Variants in JMJD1C observed in about 807,000 individuals in gnomAD.
The protein encoded by JMJD1C is jumonji domain containing 1C.
Under a neutral mutation model 245.3 loss-of-function variants are expected in JMJD1C, and 31 were observed. The observed-to-expected ratio is 0.13, with a 90% confidence interval of 0.09 to 0.17. The LOEUF (loss-of-function observed/expected upper bound fraction) is 0.17. Among genes scored for constraint, JMJD1C ranks in the 10% least tolerant of loss-of-function variants. The pLI is 1.00. For missense variants in JMJD1C, 2,691 were observed against 3,000.2 expected (o/e 0.90, Z 2.41); for synonymous variants, 1,057 against 1,017.4 (o/e 1.04, Z -0.74).
At chr10:63,175,982 C>A (rs1380709872) in intron 24 of JMJD1C, among the ~76,000 whole-genome samples, 1 of 151,202 alleles carries the variant, frequency 6.6e-6, no homozygotes, top group South Asian at 2.1e-4. Context: ...TATACTGTGT[C>A]CCCCCATGCT....
At chr10:63,415,124 G>A (rs181682544) in intron 1 of JMJD1C, among the ~76,000 whole-genome samples, 1 of 152,218 alleles carries the variant, frequency 6.6e-6, no homozygotes, top group East Asian at 1.9e-4. Flanking sequence ...GTATGACTTT[G>A]TGTAAACATA....
chr10:63,465,237 C>T, intron 1 of JMJD1C: 1 of 424,124 alleles, frequency 2.4e-6, no homozygotes, highest in Non-Finnish European at 4.2e-6. Flanking sequence ...GCGGTCGACC[C>T]CTCCGGGATG....
intron 2 of JMJD1C, among the ~76,000 whole-genome samples, chr10:63,327,793 C>T (rs1436068276): frequency 6.6e-6 from 1 of 152,004 alleles, no homozygotes; most frequent in East Asian, 2.0e-4. Context: ...CTCAGCCTCC[C>T]GAGTAGCTAG....
upstream of JMJD1C, among the ~76,000 whole-genome samples, chr10:63,469,223 C>T (rs1227052687): frequency 6.6e-6 from 1 of 152,164 alleles, no homozygotes; most frequent in African/African-American, 2.4e-5. Flanking sequence ...CTAACACAGA[C>T]AAAAAGTTTA....
At chr10:63,518,700 A>G (rs1297334042) in intron 1 of JMJD1C, among the ~76,000 whole-genome samples, 1 of 152,240 alleles carries the variant, frequency 6.6e-6, no homozygotes, top group Non-Finnish European at 1.5e-5. Flanking sequence ...AGTCAGGCAG[A>G]TATTCTTAAA....
chr10:63,427,781 T>A (rs375153949), intron 1 of JMJD1C: 2 of 1,346,854 alleles, frequency 1.5e-6, no homozygotes. Flanking sequence ...ATGAAGGGTT[T>A]TGAATATATC....
At chr10:63,344,454 T>C (rs1161053753) in intron 2 of JMJD1C, among the ~76,000 whole-genome samples, 1 of 152,126 alleles carries the variant, frequency 6.6e-6, no homozygotes, top group Non-Finnish European at 1.5e-5. Flanking sequence ...TAAGGACACA[T>C]TTCTCAGAAT....
intron 1 of JMJD1C, among the ~76,000 whole-genome samples, chr10:63,442,239 A>G (rs1334401378): frequency 6.6e-6 from 1 of 152,182 alleles, no homozygotes; most frequent in Non-Finnish European, 1.5e-5. Context: ...TGCCAGGGAG[A>G]AAAAACGCCA....
At chr10:63,270,472 T>C (rs1429568449) in intron 2 of JMJD1C, among the ~76,000 whole-genome samples, 1 of 150,338 alleles carries the variant, frequency 6.7e-6, no homozygotes, top group African/African-American at 2.5e-5. Flanking sequence ...TCCAGCCTCT[T>C]CTTTTTTTTT....
chr10:63,455,929 G>A (rs971847887), intron 1 of JMJD1C, among the ~76,000 whole-genome samples: 8 of 151,950 alleles, frequency 5.3e-5, no homozygotes, highest in East Asian at 1.9e-4. Context: ...TGAGAAAATC[G>A]AGGCAAATTT....
chr10:63,216,772 C>A (rs950988604), intron 5 of JMJD1C, among the ~76,000 whole-genome samples: 1 of 152,016 alleles, frequency 6.6e-6, no homozygotes, highest in African/African-American at 2.4e-5. Flanking sequence ...TTAAGATTCA[C>A]CATAAAACTT....
At chr10:63,480,822 A>T (rs1045436693) in intron 1 of JMJD1C, among the ~76,000 whole-genome samples, 1 of 152,198 alleles carries the variant, frequency 6.6e-6, no homozygotes, top group Non-Finnish European at 1.5e-5. Context: ...CAAAGGAAGA[A>T]AAAGTTCCTT....
intron 1 of JMJD1C, among the ~76,000 whole-genome samples, chr10:63,482,545 A>T (rs566478328): frequency 2.8e-4 from 42 of 152,254 alleles, no homozygotes; most frequent in African/African-American, 9.9e-4. Flanking sequence ...CTGAGGCAGG[A>T]GAATCGCTTG....
At chr10:63,338,093 C>T (rs557745124) in intron 2 of JMJD1C, among the ~76,000 whole-genome samples, 1 of 152,226 alleles carries the variant, frequency 6.6e-6, no homozygotes, top group South Asian at 2.1e-4. Context: ...AACAGAAATA[C>T]TATTTCTAAA....
chr10:63,317,928 C>G (rs1182345841), intron 2 of JMJD1C, among the ~76,000 whole-genome samples: 1 of 152,092 alleles, frequency 6.6e-6, no homozygotes, highest in Non-Finnish European at 1.5e-5. Flanking sequence ...CACTGCCACT[C>G]CAACCTCCAA....
At chr10:63,395,376 GC>G (rs531481506) in intron 1 of JMJD1C, among the ~76,000 whole-genome samples, 7 of 152,132 alleles carry the variant, frequency 4.6e-5, no homozygotes, top group African/African-American at 7.2e-5. Flanking sequence ...TACTCAGGAG[GC>G]TGAGGCAGGA....
At chr10:63,264,841 C>A in intron 2 of JMJD1C, 77 bp from the exon 3 acceptor site, 1 of 682,230 alleles carries the variant, frequency 1.5e-6, no homozygotes, top group Non-Finnish European at 2.6e-6. Context: ...CACACCAATA[C>A]AATGTATCAA....
intron 2 of JMJD1C, among the ~76,000 whole-genome samples, chr10:63,297,346 G>A (rs996845789): frequency 7.2e-5 from 11 of 152,100 alleles, no homozygotes; most frequent in African/African-American, 1.9e-4. Context: ...TAAAAACCCC[G>A]GGCTCAGCCA....
At position 63,215,599 on chromosome 10, in the gene JMJD1C, G is replaced by A; in HGVS notation, c.776C>T (p.Thr259Ile). The A allele has an allele frequency of 6.2e-7, 1 of 1,611,448 alleles. No homozygotes were observed. The highest frequency in any genetic ancestry group is 1.3e-5 in the African/African-American group (1 of 75,014). ...SLLKGENIGI[T>I]SRRRSRANQN... is the part of the protein sequence containing the mutation. The stretch of plus-strand genomic sequence containing the variant: ...ATTGGCACGAGACCTGCGTCGTGAT[G>A]TAATGCCAATATTTTCACCTTTTAA... The change falls in exon 6 of 26, where the codon ACA becomes ATA. Residue 259 changes from threonine to isoleucine, a missense_variant. Coordinates refer to ENST00000399262, the MANE Select transcript of JMJD1C (RefSeq NM_032776.3).
Sources: gnomAD v4.1 joint callset for allele counts (sites outside exome capture counted in the v4.1 genomes callset) on GRCh38, gnomAD v4.1.1 for gene constraint, MANE v1.5 for transcripts, NCBI Gene and HGNC (gene_info 2026-07-23, HGNC 2026-07-21) for gene names.